MYPN: variants seen among roughly 807,000 people sequenced by gnomAD.
The protein encoded by MYPN is sarcomeric protein myopalladin, 145 kDa (MYOP).
A neutral mutation model predicts 129.4 loss-of-function variants in MYPN; 63 were observed. That is an observed-to-expected ratio of 0.49 (90% CI 0.40 to 0.60). The LOEUF (loss-of-function observed/expected upper bound fraction) is 0.60, where lower values mean the gene tolerates loss of function less well. Ranked by LOEUF, MYPN falls within the 20% of genes least tolerant of loss-of-function variation. MYPN has a pLI of 0.00. For missense variants in MYPN, 1,596 were observed against 1,635.4 expected (o/e 0.98, Z 0.42); for synonymous variants, 629 against 600.9 (o/e 1.05, Z -0.68).
At chr10:68,110,719 C>T (rs1310976634) in intron 1 of MYPN, among the ~76,000 whole-genome samples, 1 of 152,102 alleles carries the variant, frequency 6.6e-6, no homozygotes, top group Non-Finnish European at 1.5e-5. Context: ...TAATCCTTTT[C>T]TAGGAAATTG....
intron 12 of MYPN, among the ~76,000 whole-genome samples, chr10:68,180,831 T>G (rs1402411060): frequency 1.3e-5 from 2 of 152,214 alleles, no homozygotes; most frequent in African/African-American, 4.8e-5. Context: ...TGGAAGGAAC[T>G]GCCAATTTGA....
intron 18 of MYPN, among the ~76,000 whole-genome samples, chr10:68,203,406 T>C (rs1406633940): frequency 6.6e-6 from 1 of 150,612 alleles, no homozygotes; most frequent in African/African-American, 2.4e-5. Flanking sequence ...CTGGGCAACA[T>C]AGCAAGACCC....
At chr10:68,149,603 A>C (rs577501666) in intron 5 of MYPN, among the ~76,000 whole-genome samples, 1 of 152,120 alleles carries the variant, frequency 6.6e-6, no homozygotes, top group African/African-American at 2.4e-5. Context: ...CCAGCCTGAT[A>C]TATTTCTTTA....
chr10:68,188,828 G>C, intron 12 of MYPN, 77 bp from the exon 13 acceptor site: 1 of 1,193,626 alleles, frequency 8.4e-7, no homozygotes, highest in South Asian at 1.3e-5. Context: ...ATCTTAAAAA[G>C]TGGCTTCCTC....
chr10:68,145,604 C>A, intron 4 of MYPN, 78 bp downstream of exon 4: 1 of 1,241,744 alleles, frequency 8.1e-7, no homozygotes, highest in Non-Finnish European at 1.2e-6. Flanking sequence ...TAATTGGTTA[C>A]TAGAACTTAA....
intron 2 of MYPN, among the ~76,000 whole-genome samples, chr10:68,129,071 T>G (rs867541758): frequency 9.9e-5 from 15 of 152,066 alleles, no homozygotes; most frequent in Non-Finnish European, 1.6e-4. Flanking sequence ...TAGAGCAGGC[T>G]ACTCAAAGTG....
chr10:68,161,767 A>G lies in MYPN; in HGVS notation c.1483+15A>G. The G allele has an allele frequency of 6.3e-7, 1 of 1,597,518 alleles. No individual in the cohort carries two copies. The highest frequency in any genetic ancestry group is 1.3e-5 in the African/African-American group (1 of 74,668). Reference sequence around the variant, plus strand: ...GGCAGAGCCAGGTAAAGATGATTTCAACTTTAATTTATTAGTATATGAGTG... The same window carrying G: ...GGCAGAGCCAGGTAAAGATGATTTCGACTTTAATTTATTAGTATATGAGTG... On this transcript the variant is annotated intron_variant, in intron 8 of 19. Transcript: ENST00000358913.
At chr10:68,180,924 A>G (rs1295140210) in intron 12 of MYPN, among the ~76,000 whole-genome samples, 1 of 152,222 alleles carries the variant, frequency 6.6e-6, no homozygotes, top group Non-Finnish European at 1.5e-5. Flanking sequence ...TCTTTTTTAA[A>G]AAAATGGTTA....
chr10:68,137,285 T>C (rs2042502108), intron 2 of MYPN, among the ~76,000 whole-genome samples: 1 of 152,232 alleles, frequency 6.6e-6, no homozygotes, highest in Non-Finnish European at 1.5e-5. Flanking sequence ...TTTGTTGTAT[T>C]ACGTTGTTTG....
intron 12 of MYPN, among the ~76,000 whole-genome samples, chr10:68,187,571 G>T (rs1424064882): frequency 6.6e-6 from 1 of 152,168 alleles, no homozygotes; most frequent in Non-Finnish European, 1.5e-5. Flanking sequence ...AGTATCTCTT[G>T]GGGACAGAAA....
chr10:68,096,118 T>C (rs1346718424), intron 1 of MYPN, among the ~76,000 whole-genome samples: 1 of 152,258 alleles, frequency 6.6e-6, no homozygotes, highest in East Asian at 1.9e-4. Flanking sequence ...CCGATATTTC[T>C]AATAATTCCT....
chr10:68,152,959 T>TTTATG (rs1220126107), intron 6 of MYPN, among the ~76,000 whole-genome samples: 2 of 138,564 alleles, frequency 1.4e-5, no homozygotes, highest in African/African-American at 5.1e-5. Flanking sequence ...TTTATGTTAT[T>TTTATG]TTATTTTATT....
In MYPN at chr10:68,175,479, A is replaced by G. The variant is rs760762284; in HGVS notation, c.2703+18A>G. On this transcript the variant is annotated intron_variant, in intron 12 of 19. Transcript: ENST00000358913. ...ACCAGCAGGTAAGATTGTTGGATTT[A>G]GAAGGTTTATTGAAATTTTATTGTA... 84 of 1,612,744 alleles carry G rather than the reference A, an allele frequency of 5.2e-5. No homozygotes were observed. The highest frequency in any genetic ancestry group is 6.4e-5 in the Non-Finnish European group (76 of 1,179,450).
intron 10 of MYPN, among the ~76,000 whole-genome samples, chr10:68,170,325 G>A (rs2043125624): frequency 6.6e-6 from 1 of 152,128 alleles, no homozygotes; most frequent in Non-Finnish European, 1.5e-5. Context: ...TAAAAACATA[G>A]TTCTCAGCAC....
chr10:68,199,260 TG>T (rs1244323865), intron 16 of MYPN, 107 bp from the exon 17 acceptor site: 19 of 1,080,788 alleles, frequency 1.8e-5, no homozygotes, highest in Non-Finnish European at 2.6e-5. Context: ...CATCACTCCA[TG>T]TTTTCTCTCA....
In MYPN at chr10:68,166,585, G is replaced by A. The variant is rs1057520698; in HGVS notation, c.1892G>A (p.Arg631Lys). The A allele has an allele frequency of 2.5e-6, 4 of 1,614,006 alleles. No homozygotes were observed. In the Admixed American group the frequency reaches 5.0e-5, roughly 20 times the overall value. Reference sequence around the variant, plus strand: ...ACCAGGCCCGATTCTTTCCAGGAGAGGTTCAACGGACAGGCAACAAAAACC... The same window carrying A: ...ACCAGGCCCGATTCTTTCCAGGAGAAGTTCAACGGACAGGCAACAAAAACC... ...RQTRPDSFQERFNGQATKTPE... is the reference protein window; with the variant it reads ...RQTRPDSFQEKFNGQATKTPE... The change falls in exon 10 of 20, where the codon AGG (arginine) becomes AAG (lysine). Residue 631 changes from arginine (R) to lysine (K), a missense_variant. By Grantham distance (26) the Arg-to-Lys change is conservative (BLOSUM62 2). Coordinates refer to ENST00000358913, the MANE Select transcript of MYPN (RefSeq NM_032578.4).
chr10:68,169,134 A>T (rs2043101782), intron 10 of MYPN, among the ~76,000 whole-genome samples: 1 of 145,922 alleles, frequency 6.9e-6, no homozygotes, highest in African/African-American at 2.6e-5. Context: ...TCACGAGTTC[A>T]GGAGATCGAG....
At chr10:68,160,468 A>G (rs182999215) in intron 7 of MYPN, among the ~76,000 whole-genome samples, 138 of 151,428 alleles carry the variant, frequency 9.1e-4, no homozygotes, top group African/African-American at 1.6e-3. Flanking sequence ...GAGAGAGAGA[A>G]AAAAAAACTT....
intron 12 of MYPN, among the ~76,000 whole-genome samples, chr10:68,186,432 C>G (rs1036869823): frequency 6.6e-6 from 1 of 152,188 alleles, no homozygotes; most frequent in African/African-American, 2.4e-5. Flanking sequence ...AACTCAGTTA[C>G]TCTCCCGCTG....
Sources: allele counts gnomAD v4.1 joint callset (sites outside exome capture counted in the v4.1 genomes callset), GRCh38; gene constraint gnomAD v4.1.1; transcripts MANE v1.5; gene names NCBI Gene and HGNC (gene_info 2026-07-23, HGNC 2026-07-21).